TRIM2: variants seen among roughly 807,000 people sequenced by gnomAD.
TRIM2 encodes the protein tripartite motif containing 2.
In TRIM2, 20 loss-of-function variants were observed where a neutral mutation model predicts 75.2. That is an observed-to-expected ratio of 0.27 (90% CI 0.19 to 0.39). The LOEUF is 0.39. Among genes scored for constraint, TRIM2 ranks in the 10% least tolerant of loss-of-function variants. TRIM2 has a pLI of 1.00. For synonymous variants in TRIM2, 373 were observed against 388.3 expected, an observed-to-expected ratio of 0.96 and a Z score of 0.46; for missense variants, 660 against 990.8, an observed-to-expected ratio of 0.67 and a Z score of 4.48.
chr4:153,302,725 C>G (rs905565979), intron 6 of TRIM2, among the ~76,000 whole-genome samples: 2 of 152,232 alleles, frequency 1.3e-5, no homozygotes, highest in Non-Finnish European at 2.9e-5. Context: ...CTCTCACACA[C>G]CTTTGTGCAT....
chr4:153,192,085 A>G (rs1296772445), intron 1 of TRIM2, among the ~76,000 whole-genome samples: 1 of 152,146 alleles, frequency 6.6e-6, no homozygotes, highest in African/African-American at 2.4e-5. Context: ...CTAATTGGTC[A>G]GTCTTTTAGT....
chr4:153,216,956 G>C (rs889804313), intron 1 of TRIM2, among the ~76,000 whole-genome samples: 1 of 152,124 alleles, frequency 6.6e-6, no homozygotes, highest in Admixed American at 6.5e-5. Context: ...ACACATTCAG[G>C]CCACAGCAAT....
At chr4:153,257,472 C>T in intron 1 of TRIM2, 1 of 1,266,584 alleles carries the variant, frequency 7.9e-7, no homozygotes, top group Non-Finnish European at 1.0e-6. Context: ...TGTTAATGAC[C>T]CAGAAACATT....
chr4:153,181,468 C>G (rs1406374738), intron 1 of TRIM2, among the ~76,000 whole-genome samples: 1 of 152,170 alleles, frequency 6.6e-6, no homozygotes, highest in Non-Finnish European at 1.5e-5. Context: ...AGAATGAAGG[C>G]TCACTTGCCC....
intron 1 of TRIM2, among the ~76,000 whole-genome samples, chr4:153,210,860 A>G (rs1477283560): frequency 6.6e-6 from 1 of 152,216 alleles, no homozygotes; most frequent in Non-Finnish European, 1.5e-5. Flanking sequence ...TAGAAGCCCC[A>G]GAAGCCGTGT....
rs1448725164 is a variant in TRIM2, at chr4:153,322,638, T to C, written c.1783-10T>C. On this transcript the variant is annotated splice_polypyrimidine_tract_variant and intron_variant, in intron 8 of 11. Coordinates refer to ENST00000338700, the MANE Select transcript of TRIM2 (RefSeq NM_015271.5). ...TACTGTACTTCTATTTCTGTACTTG[T>C]TTCAAACAGACAAAAATTGGATCAG... 7 of 1,612,726 alleles carry C rather than the reference T, an allele frequency of 4.3e-6. No individual in the cohort carries two copies. The highest frequency in any genetic ancestry group is 5.1e-6 in the Non-Finnish European group (6 of 1,179,052).
intron 1 of TRIM2, chr4:153,157,290 A>G (rs1450155787): frequency 6.6e-6 from 1 of 152,240 alleles, no homozygotes; most frequent in Admixed American, 6.5e-5. Flanking sequence ...AAGGTCACAA[A>G]AAAAGAAAAA....
chr4:153,294,204 G>A, intron 4 of TRIM2, 101 bp from the exon 5 acceptor site: 1 of 1,192,586 alleles, frequency 8.4e-7, no homozygotes. Flanking sequence ...TAAAGATGAT[G>A]AAAGGCATAG....
intron 1 of TRIM2, among the ~76,000 whole-genome samples, chr4:153,211,794 A>G (rs559762002): frequency 9.2e-5 from 14 of 152,106 alleles, no homozygotes; most frequent in Admixed American, 7.2e-4. Flanking sequence ...CAGCCTACAA[A>G]TTCTTATATG....
At chr4:153,294,592 T>C (rs1330682633) in intron 5 of TRIM2, 107 bp downstream of exon 5, 2 of 1,138,460 alleles carry the variant, frequency 1.8e-6, no homozygotes, top group African/African-American at 1.6e-5. Flanking sequence ...CATCATTGTA[T>C]AGTAAACTAT....
chr4:153,332,362 C>T (rs766961473), intron 11 of TRIM2, among the ~76,000 whole-genome samples: 2 of 152,178 alleles, frequency 1.3e-5, no homozygotes, highest in Admixed American at 6.5e-5. Flanking sequence ...GAACAAAAGG[C>T]GGCTGGGTGC....
At chr4:153,226,717 G>A (rs746373496) in intron 1 of TRIM2, among the ~76,000 whole-genome samples, 7 of 152,148 alleles carry the variant, frequency 4.6e-5, no homozygotes, top group African/African-American at 9.7e-5. Flanking sequence ...GCTGACCTTC[G>A]GGGATGATGA....
rs557801332 is a variant in TRIM2, at chr4:153,328,831, G to GA, written c.2163+167dup. ...GGACCAAACTCAGCAAGATGGAGTA[G>GA]AAAAAATGTTACCAGACTGAAACCC... On this transcript the variant is annotated intron_variant, in intron 11 of 11. Coordinates refer to ENST00000338700, the MANE Select transcript of TRIM2 (RefSeq NM_015271.5). Among the ~76,000 whole-genome samples the GA allele has an allele frequency of 2.1e-3, 314 of 152,230 alleles. 1 individual carries two copies. The highest frequency in any genetic ancestry group is 7.3e-3 in the African/African-American group (302 of 41,504).
intron 1 of TRIM2, among the ~76,000 whole-genome samples, chr4:153,231,052 C>T (rs897719962): frequency 3.9e-5 from 6 of 152,200 alleles, no homozygotes; most frequent in South Asian, 2.1e-4. Flanking sequence ...TCAGGACTCA[C>T]ACCTAGGATG....
Position 153,335,193 on chromosome 4 carries a change from C to T in TRIM2, c.*227C>T, listed in dbSNP as rs974297897. ...TCTTCTACTGAATCTATAAAAACTGCAGTTTTACATCTGTGAACTATGGCT... is the reference window on the plus strand; with the variant it reads ...TCTTCTACTGAATCTATAAAAACTGTAGTTTTACATCTGTGAACTATGGCT... On this transcript the variant is annotated 3_prime_UTR_variant, in exon 12 of 12. Coordinates refer to ENST00000338700, the MANE Select transcript of TRIM2 (RefSeq NM_015271.5). 40 of 1,223,914 alleles carry T rather than the reference C, an allele frequency of 3.3e-5. No homozygotes were observed. In the African/African-American group the frequency reaches 6.1e-4, roughly 19 times the overall value. The allele number at this position is 1,223,914 out of a possible 1,614,324, so 75.8% of individuals were successfully genotyped here. A position where few individuals can be genotyped will look rare whatever the true frequency, so the allele number is the denominator to read the frequency against.
Position 153,328,822 on chromosome 4 carries a change from G to T in TRIM2, c.2163+152G>T, listed in dbSNP as rs561969234. On this transcript the variant is annotated intron_variant, in intron 11 of 11. Transcript: ENST00000338700. ...TCACCAGAAGGACCAAACTCAGCAA[G>T]ATGGAGTAGAAAAAATGTTACCAGA... The T allele has an allele frequency of 8.3e-6, 7 of 838,944 alleles. No homozygotes were observed. The Admixed American group carries it at 2.3e-4, about 28-fold the overall frequency. 52.0% of individuals were successfully genotyped at this position (838,944 alleles called of 1,614,324 possible). A position where few individuals can be genotyped will look rare whatever the true frequency, so the allele number is the denominator to read the frequency against.
At chr4:153,173,578 G>A (rs757807854) in intron 1 of TRIM2, among the ~76,000 whole-genome samples, 6 of 151,694 alleles carry the variant, frequency 4.0e-5, no homozygotes, top group Admixed American at 1.3e-4. Flanking sequence ...AAGCAGAATC[G>A]CTTGAACCCG....
At chr4:153,327,837 TA>T (rs983457069) in intron 10 of TRIM2, among the ~76,000 whole-genome samples, 1 of 152,192 alleles carries the variant, frequency 6.6e-6, no homozygotes, top group African/African-American at 2.4e-5. Flanking sequence ...TACTGAGAGA[TA>T]AAAGAGTAAT....
At chr4:153,228,662 G>A (rs991653014) in intron 1 of TRIM2, among the ~76,000 whole-genome samples, 1 of 152,202 alleles carries the variant, frequency 6.6e-6, no homozygotes, top group Non-Finnish European at 1.5e-5. Flanking sequence ...TAAAAACAAT[G>A]CTTTGTCCAT....
Sources: allele counts gnomAD v4.1 joint callset (sites outside exome capture counted in the v4.1 genomes callset), GRCh38; gene constraint gnomAD v4.1.1; transcripts MANE v1.5; gene names NCBI Gene and HGNC (gene_info 2026-07-23, HGNC 2026-07-21).